Variants in NELL1 observed in about 807,000 individuals in gnomAD.
NELL1 encodes the protein neural EGFL like 1, also known as protein kinase C-binding protein NELL1.
A neutral mutation model predicts 107.4 loss-of-function variants in NELL1; 76 were observed. The ratio of observed to expected loss-of-function variants is 0.71; its 90% CI spans 0.59 to 0.86. NELL1 has a LOEUF of 0.86. NELL1 is among the 40% of genes least tolerant of loss of function. The pLI, the probability that NELL1 is intolerant of heterozygous loss-of-function variation, is 0.00. For missense variants in NELL1, 1,024 were observed against 1,005.5 expected (o/e 1.02, Z -0.25); for synonymous variants, 353 against 341.2 (o/e 1.03, Z -0.38).
Position 21,539,591 on chromosome 11 carries a change from C to T in NELL1, c.1786+5077C>T, listed in dbSNP as rs77444385. Among the ~76,000 whole-genome samples, 422 of 151,730 alleles carry T rather than the reference C, an allele frequency of 2.8e-3. 14 individuals carry two copies. In the East Asian group the frequency reaches 0.077, roughly 28 times the overall value. On this transcript the variant is annotated intron_variant, in intron 16 of 19. Transcript: ENST00000357134. ...AGTTTGACTGTCCAGCAGCCAGACACTCCTCTCTGAGTGTCCCCAGCCAAA... is the reference window on the plus strand; with the variant it reads ...AGTTTGACTGTCCAGCAGCCAGACATTCCTCTCTGAGTGTCCCCAGCCAAA...
intron 15 of NELL1, among the ~76,000 whole-genome samples, chr11:21,533,716 A>G (rs1484148515): frequency 6.6e-6 from 1 of 152,212 alleles, no homozygotes; most frequent in East Asian, 1.9e-4. Flanking sequence ...AGAATCTCTG[A>G]TGGACTAGCA....
chr11:20,936,323 G>A (rs995941507), intron 9 of NELL1, among the ~76,000 whole-genome samples: 5 of 152,152 alleles, frequency 3.3e-5, no homozygotes, highest in South Asian at 4.2e-4. Context: ...GGGGAGAGCC[G>A]TTAGTTGCCA....
At chr11:20,873,230 T>C (rs1849238319) in intron 4 of NELL1, among the ~76,000 whole-genome samples, 1 of 152,164 alleles carries the variant, frequency 6.6e-6, no homozygotes, top group South Asian at 2.1e-4. Context: ...GACCGACGAC[T>C]GTGGCCTTGA....
intron 12 of NELL1, among the ~76,000 whole-genome samples, chr11:21,051,296 A>ATTCCT (rs1853486745): frequency 6.6e-6 from 1 of 152,132 alleles, no homozygotes; most frequent in African/African-American, 2.4e-5. Flanking sequence ...GGAAAACCAA[A>ATTCCT]CACTATATGT....
chr11:21,100,301 A>T (rs1854773081), intron 12 of NELL1, among the ~76,000 whole-genome samples: 1 of 152,198 alleles, frequency 6.6e-6, no homozygotes, highest in South Asian at 2.1e-4. Context: ...TACAGGCATC[A>T]TCCACCATGC....
intron 2 of NELL1, among the ~76,000 whole-genome samples, chr11:20,685,652 G>A (rs187056529): frequency 1.5e-3 from 227 of 152,188 alleles, no homozygotes; most frequent in African/African-American, 5.1e-3. Context: ...CAAAGTGCTC[G>A]AACAGTACTT....
intron 12 of NELL1, among the ~76,000 whole-genome samples, chr11:21,044,084 T>C (rs1020119444): frequency 1.3e-5 from 2 of 152,124 alleles, no homozygotes; most frequent in South Asian, 2.1e-4. Context: ...GAGAGAATGA[T>C]AGGGCTCAGA....
At chr11:21,384,593 C>T (rs542843669) in intron 15 of NELL1, among the ~76,000 whole-genome samples, 23 of 151,996 alleles carry the variant, frequency 1.5e-4, no homozygotes, top group African/African-American at 4.3e-4. Flanking sequence ...CTATCCCTCC[C>T]GCCTCTCCCC....
At chr11:21,552,036 A>G (rs1265003182) in intron 16 of NELL1, among the ~76,000 whole-genome samples, 2 of 146,620 alleles carry the variant, frequency 1.4e-5, no homozygotes, top group Admixed American at 1.4e-4. Flanking sequence ...CTATCGCAAG[A>G]ACAAAAAACC....
rs1591006249 is a variant in NELL1 at position 21,525,681 on chromosome 11, G to C, written c.1646-8693G>C. On this transcript the variant is annotated intron_variant, in intron 15 of 19. Coordinates refer to ENST00000357134, the MANE Select transcript of NELL1 (RefSeq NM_006157.5). ...ATTGACTCACAGTTCCACATGGCTG[G>C]GGAGGCCTCACAATCATGGCAGAAG... Among the ~76,000 whole-genome samples, 4 of 152,118 alleles carry C rather than the reference G, an allele frequency of 2.6e-5. No homozygotes were observed. The East Asian group carries it at 7.7e-4, about 29-fold the overall frequency.
intron 12 of NELL1, among the ~76,000 whole-genome samples, chr11:21,042,435 C>G (rs1341713231): frequency 6.6e-6 from 1 of 152,094 alleles, no homozygotes; most frequent in Non-Finnish European, 1.5e-5. Context: ...GGCAACAGGA[C>G]AAGGGGCTAA....
At chr11:20,723,860 G>A (rs1408928614) in intron 2 of NELL1, among the ~76,000 whole-genome samples, 1 of 152,208 alleles carries the variant, frequency 6.6e-6, no homozygotes, top group Non-Finnish European at 1.5e-5. Context: ...CTGAAATCTA[G>A]GTGGAGGTTC....
chr11:20,702,126 G>C (rs1309840487), intron 2 of NELL1, among the ~76,000 whole-genome samples: 1 of 151,756 alleles, frequency 6.6e-6, no homozygotes, highest in Non-Finnish European at 1.5e-5. Context: ...ATGATACTGA[G>C]TTTCCTATCC....
intron 15 of NELL1, among the ~76,000 whole-genome samples, chr11:21,403,875 C>T (rs1852158583): frequency 6.7e-6 from 1 of 150,344 alleles, no homozygotes. Flanking sequence ...ATTTAGCTAT[C>T]TCCATCAATT....
chr11:21,066,376 G>C (rs760622198), intron 12 of NELL1, among the ~76,000 whole-genome samples: 18 of 152,148 alleles, frequency 1.2e-4, no homozygotes, highest in Non-Finnish European at 2.5e-4. Context: ...TATTAGTGGA[G>C]TTGGTAGCAG....
chr11:21,251,398 A>T (rs1245049587), intron 14 of NELL1, among the ~76,000 whole-genome samples: 3 of 152,166 alleles, frequency 2.0e-5, no homozygotes, highest in Admixed American at 2.0e-4. Flanking sequence ...AACATCATGC[A>T]AATATGCAAT....
At position 21,358,715 on chromosome 11, in the gene NELL1, C is replaced by A. The variant is rs188478982; in HGVS notation, c.1550-12138C>A. 5.0e-3 allele frequency among the ~76,000 whole-genome samples: 694 copies of A among 138,514 alleles called. 5 individuals are homozygous for A. The highest frequency in any genetic ancestry group is 0.017 in the African/African-American group (675 of 40,056). The allele number at this position is 138,514 out of a possible 152,430, so 90.9% of individuals were successfully genotyped here. ...TACAGGCGTGACCCACCGTGCCCGGCCTTTTTGTTGTTGTTGTTGTTGTTG... is the reference window on the plus strand; with the variant it reads ...TACAGGCGTGACCCACCGTGCCCGGACTTTTTGTTGTTGTTGTTGTTGTTG... On this transcript the variant is annotated intron_variant, in intron 14 of 19. Transcript: ENST00000357134.
chr11:20,956,986 G>A (rs540763159), intron 11 of NELL1, among the ~76,000 whole-genome samples: 2 of 152,120 alleles, frequency 1.3e-5, no homozygotes, highest in Admixed American at 6.5e-5. Flanking sequence ...TGGCAGTAAG[G>A]GGGAGAAAAA....
intron 15 of NELL1, among the ~76,000 whole-genome samples, chr11:21,415,360 G>A (rs1389500691): frequency 6.6e-6 from 1 of 152,004 alleles, no homozygotes; most frequent in African/African-American, 2.4e-5. Flanking sequence ...ATTTAGGCAG[G>A]GTAGGGTAAA....
Sources: allele counts gnomAD v4.1 joint callset (sites outside exome capture counted in the v4.1 genomes callset), GRCh38; gene constraint gnomAD v4.1.1; transcripts MANE v1.5; gene names NCBI Gene and HGNC (gene_info 2026-07-23, HGNC 2026-07-21).